HR: variants seen among roughly 807,000 people sequenced by gnomAD.
HR encodes the protein HR lysine demethylase and nuclear receptor corepressor.
A neutral mutation model predicts 128.6 loss-of-function variants in HR; 83 were observed. The observed-to-expected ratio is 0.65, with a 90% CI of 0.54 to 0.77. The LOEUF is 0.77. Among genes scored for constraint, HR ranks in the 30% least tolerant of loss-of-function variants. HR has a pLI of 0.00. For missense variants in HR, 1,490 were observed against 1,574.6 expected (o/e 0.95, Z 0.91); for synonymous variants, 681 against 658.2 (o/e 1.03, Z -0.53).
At chr8:22,121,945 A>G (rs1240633306) in intron 8 of HR, among the ~76,000 whole-genome samples, 1 of 152,222 alleles carries the variant, frequency 6.6e-6, no homozygotes, top group African/African-American at 2.4e-5. Flanking sequence ...TAATGGTAGC[A>G]TTAAGGTCAT....
chr8:22,121,536 G>A (rs867651805), intron 9 of HR, 77 bp downstream of exon 9: 108 of 1,490,864 alleles, frequency 7.2e-5, no homozygotes, highest in African/African-American at 2.8e-4. Context: ...GGAGACTTCC[G>A]CGACTGTCCC....
chr8:22,123,616 A>AGT, intron 6 of HR, 33 bp downstream of exon 6: 10 of 562,336 alleles, frequency 1.8e-5, no homozygotes, highest in Admixed American at 3.3e-5. Context: ...TGAGGGCTCC[A>AGT]TCCCGCCCTC....
intron 3 of HR, among the ~76,000 whole-genome samples, chr8:22,126,407 C>G (rs972876617): frequency 3.9e-5 from 6 of 152,240 alleles, no homozygotes; most frequent in African/African-American, 1.2e-4. Flanking sequence ...GCAAGTGACT[C>G]CAGGGTGCGC....
chr8:22,129,471 A>C (rs1343135766), intron 1 of HR, among the ~76,000 whole-genome samples: 2 of 152,208 alleles, frequency 1.3e-5, no homozygotes, highest in Non-Finnish European at 2.9e-5. Context: ...CTAGTAGGGC[A>C]TGTCCTGGCC....
intron 2 of HR, 192 bp downstream of exon 2, chr8:22,128,367 C>T: frequency 1.4e-6 from 1 of 737,218 alleles, no homozygotes; most frequent in Non-Finnish European, 2.3e-6. Flanking sequence ...CAGGGGAGGC[C>T]TAGAGAGATG....
Position 22,127,571 on chromosome 8 carries a change from C to G in HR, c.871G>C (p.Gly291Arg). The change falls in exon 3 of 19, where the codon GGC becomes CGC. Residue 291 changes from glycine (G) to arginine (R), a missense_variant. Gly to Arg is a moderately radical substitution (Grantham distance 125, BLOSUM62 -2). This residue lies in a region of HR where 1,060 missense variants were observed against 1,060.9 expected (regional missense o/e 1.00). Coordinates refer to ENST00000381418, the MANE Select transcript of HR (RefSeq NM_005144.5). ...ACPPGLVHTL[G>R]NVWAGPGDGN... ...TCGCCTGGCCCAGCCCAGACGTTGC[C>G]AAGAGTATGAACAAGGCCTGGGGGA... The G allele has an allele frequency of 6.2e-7, 1 of 1,612,920 alleles. No homozygotes were observed. The highest frequency in any genetic ancestry group is 8.5e-7 in the Non-Finnish European group (1 of 1,180,006).
At position 22,129,190 on chromosome 8, in the gene HR, G is replaced by A; in HGVS notation, c.-20C>T. On this transcript the variant is annotated 5_prime_UTR_variant, in exon 2 of 19. Transcript: ENST00000381418. The stretch of plus-strand genomic sequence containing the variant: ...CTCCATCACTCTCCTGCCCTCATGG[G>A]GCTCTCCCAGAGGGGGGTCCCTGGA... The A allele has an allele frequency of 6.6e-7, 1 of 1,519,510 alleles. No individual in the cohort carries two copies. The highest frequency in any genetic ancestry group is 8.8e-7 in the Non-Finnish European group (1 of 1,136,510). 94.1% of individuals were successfully genotyped at this position (1,519,510 alleles called of 1,614,324 possible).
Position 22,118,963 on chromosome 8 carries a change from CG to C in HR, c.3199del (p.Arg1067AlafsTer38). Reference protein sequence around the residue: ...FRAQDAQRIRRFLQMVCPAGA... With the variant: ...FRAQDAQRIRXFLQMVCPAGA... The stretch of plus-strand genomic sequence containing the variant: ...CTGCCTCCTCACCATCTGGAGAAAG[CG>C]GCGGATGCGCTGGGCGTCCTGTGCC... On this transcript the variant is annotated frameshift_variant, in exon 16 of 19. Coordinates refer to ENST00000381418, the MANE Select transcript of HR (RefSeq NM_005144.5). LOFTEE classifies it high-confidence loss of function. 3 of 1,611,498 alleles carry C rather than the reference CG, an allele frequency of 1.9e-6. No homozygotes were observed. The highest frequency in any genetic ancestry group is 2.5e-6 in the Non-Finnish European group (3 of 1,179,932).
chr8:22,117,168 C>A, intron 16 of HR, 129 bp from the exon 17 acceptor site: 2 of 966,964 alleles, frequency 2.1e-6, no homozygotes, highest in Middle Eastern at 2.9e-4. Context: ...GAAGGGCAGG[C>A]AGGGAGGGCA....
At chr8:22,123,617 T>TATC in intron 6 of HR, 32 bp downstream of exon 6, 2 of 292,092 alleles carry the variant, frequency 6.8e-6, no homozygotes, top group Non-Finnish European at 1.2e-5. Context: ...GAGGGCTCCA[T>TATC]CCCGCCCTCC....
chr8:22,123,617 T>TGTGGGGGG, intron 6 of HR, 32 bp downstream of exon 6: 1 of 292,088 alleles, frequency 3.4e-6, no homozygotes, highest in Non-Finnish European at 6.2e-6. Context: ...GAGGGCTCCA[T>TGTGGGGGG]CCCGCCCTCC....
chr8:22,124,567 C>T (rs1826838079), intron 5 of HR, among the ~76,000 whole-genome samples: 1 of 152,182 alleles, frequency 6.6e-6, no homozygotes. Context: ...GGAGATGGAC[C>T]CATAAATACA....
intron 6 of HR, 32 bp downstream of exon 6, chr8:22,123,617 T>TTTGGGGGGC: frequency 3.4e-6 from 1 of 292,092 alleles, no homozygotes; most frequent in Non-Finnish European, 6.2e-6. Context: ...GAGGGCTCCA[T>TTTGGGGGGC]CCCGCCCTCC....
In HR at chr8:22,120,823, C is replaced by G. The variant is rs772762396; in HGVS notation, c.2503G>C (p.Val835Leu). 1.9e-5 allele frequency: 30 copies of G among 1,550,960 alleles called. No homozygotes were observed. In the South Asian group the frequency reaches 3.2e-4, roughly 17 times the overall value. The part of the protein sequence containing the change: ...RKGLGLPLSP[V>L]RPRLPPPGAL... Reference sequence around the variant, plus strand: ...CCTGGGGGAGGCAGCCGGGGCCGCACTGGAGAGAGGGGCAGGCCCAGGCCC... The same window carrying G: ...CCTGGGGGAGGCAGCCGGGGCCGCAGTGGAGAGAGGGGCAGGCCCAGGCCC... Residue 835 changes from valine to leucine, a missense_variant, in exon 11 of 19, where the codon GTG (valine) becomes CTG (leucine). Coordinates refer to ENST00000381418, the MANE Select transcript of HR (RefSeq NM_005144.5).
At position 22,130,718 on chromosome 8, in the gene HR, A is replaced by G. The variant is rs1827030540; in HGVS notation, c.-331T>C. On this transcript the variant is annotated 5_prime_UTR_variant, in exon 1 of 19. Coordinates refer to ENST00000381418, the MANE Select transcript of HR (RefSeq NM_005144.5). ...CCGTAGGTTGCGCCATGGGACGCCG[A>G]GACTCCGTGCTGCGCCGCGGGGAGG... 1 of 152,160 alleles carries G rather than the reference A, an allele frequency of 6.6e-6. No individual in the cohort carries two copies. The highest frequency in any genetic ancestry group is 1.5e-5 in the Non-Finnish European group (1 of 68,076). 9.4% of individuals were successfully genotyped at this position (152,160 alleles called of 1,614,324 possible).
At position 22,116,052 on chromosome 8, in the gene HR, T is replaced by C. The variant is rs1227795808; in HGVS notation, c.3507+248A>G. Among the ~76,000 whole-genome samples the C allele has an allele frequency of 1.3e-5, 2 of 152,138 alleles. No individual in the cohort carries two copies. The highest frequency in any genetic ancestry group is 4.8e-5 in the African/African-American group (2 of 41,404). On this transcript the variant is annotated intron_variant, in intron 18 of 18. Coordinates refer to ENST00000381418, the MANE Select transcript of HR (RefSeq NM_005144.5). This position sits in a 1 kb window ranked among gnomAD's most constrained non-coding sequence, Gnocchi z 4.2. Reference sequence around the variant, plus strand: ...TGGGAGGCTGAGGCAGGAGAATCACTTGAACCCAGGAGGCGGAGGTTGCAG... The same window carrying C: ...TGGGAGGCTGAGGCAGGAGAATCACCTGAACCCAGGAGGCGGAGGTTGCAG...
chr8:22,120,069 G>T, intron 13 of HR, 35 bp downstream of exon 13: 1 of 1,570,400 alleles, frequency 6.4e-7, no homozygotes, highest in Non-Finnish European at 8.6e-7. Flanking sequence ...CTGCGGTGGC[G>T]GGGAGGTAGG....
Position 22,116,253 on chromosome 8 carries a change from G to T in HR, c.3507+47C>A, listed in dbSNP as rs530312716. ...ACTGCAGCTGTGGCACAGGGAGGTG[G>T]GAGGCTTGGGTAGCACACCCAGCCT... On this transcript the variant is annotated intron_variant, in intron 18 of 18. Coordinates refer to ENST00000381418, the MANE Select transcript of HR (RefSeq NM_005144.5). This position sits in a 1 kb window ranked among gnomAD's most constrained non-coding sequence, Gnocchi z 4.2. 1.2e-6 allele frequency: 2 copies of T among 1,610,810 alleles called. No individual in the cohort carries two copies. Among genetic ancestry groups the T allele is most frequent in the African/African-American group, 2.7e-5 (2 of 74,856 alleles).
In HR at chr8:22,116,290, T is replaced by C. The variant is rs371005020; in HGVS notation, c.3507+10A>G. The C allele has an allele frequency of 2.7e-4, 436 of 1,611,716 alleles. No homozygotes were observed. The highest frequency in any genetic ancestry group is 3.5e-4 in the Non-Finnish European group (414 of 1,179,754). ...AGCACACCCAGCCTGCTGGCCCACATCCCACTCACCTGGGCATAAAGCAGG... is the reference window on the plus strand; with the variant it reads ...AGCACACCCAGCCTGCTGGCCCACACCCCACTCACCTGGGCATAAAGCAGG... On this transcript the variant is annotated intron_variant, in intron 18 of 18. Coordinates refer to ENST00000381418, the MANE Select transcript of HR (RefSeq NM_005144.5). The surrounding 1 kb of genome is among the most constrained non-coding windows in gnomAD (Gnocchi z 4.2).
Sources: allele counts gnomAD v4.1 joint callset (sites outside exome capture counted in the v4.1 genomes callset), GRCh38; gene constraint gnomAD v4.1.1; regional missense constraint gnomAD v4.1.1; non-coding constraint Gnocchi (gnomAD v3.1); transcripts MANE v1.5; gene names NCBI Gene and HGNC (gene_info 2026-07-23, HGNC 2026-07-21).